The following RIGI variants were observed in gnomAD, a reference collection of about 807,000 sequenced individuals.
RIGI encodes RNA sensor RIG-I.
chr9:32,519,657 G>A, the RIGI span, among the ~76,000 whole-genome samples: 1 of 152,110 alleles, frequency 6.6e-6, no homozygotes, highest in South Asian at 2.1e-4. Context: ...AGGCAAAACT[G>A]CTATATGGGT....
the RIGI span, among the ~76,000 whole-genome samples, chr9:32,467,553 G>A: frequency 1.3e-5 from 2 of 152,298 alleles, no homozygotes; most frequent in African/African-American, 4.8e-5. Flanking sequence ...TGCCAGGCAA[G>A]TGAGCAGCAT....
At chr9:32,459,399 C>G in the RIGI span, 1 of 1,613,534 alleles carries the variant, frequency 6.2e-7, no homozygotes, top group Non-Finnish European at 8.5e-7. Flanking sequence ...AGCTGTGTAA[C>G]ATGCCAAGGC....
the RIGI span, among the ~76,000 whole-genome samples, chr9:32,508,258 T>TTTTTTTTTTTA: frequency 5.7e-3 from 785 of 137,952 alleles, 33 homozygotes; most frequent in African/African-American, 0.022. Flanking sequence ...TTTTTTTTTT[T>TTTTTTTTTTTA]ACTATATGAA....
At chr9:32,484,476 A>C in the RIGI span, among the ~76,000 whole-genome samples, 2 of 152,238 alleles carry the variant, frequency 1.3e-5, no homozygotes, top group South Asian at 2.1e-4. Context: ...TGGTACCAGG[A>C]CCACCCACTG....
At chr9:32,472,251 A>T in the RIGI span, among the ~76,000 whole-genome samples, 24 of 152,312 alleles carry the variant, frequency 1.6e-4, no homozygotes, top group South Asian at 5.0e-3. Flanking sequence ...AGACAATCTT[A>T]ATCTATTGGT....
chr9:32,502,456 A>G, the RIGI span, among the ~76,000 whole-genome samples: 2 of 152,238 alleles, frequency 1.3e-5, no homozygotes, highest in Admixed American at 1.3e-4. Flanking sequence ...GAGCTGCACC[A>G]TCTTACATTC....
the RIGI span, chr9:32,467,704 C>T: frequency 4.1e-6 from 6 of 1,472,028 alleles, no homozygotes; most frequent in East Asian, 1.2e-4. Context: ...ATGACACATA[C>T]ACTTATAAAT....
chr9:32,474,261 T>G, the RIGI span, among the ~76,000 whole-genome samples: 1 of 143,936 alleles, frequency 6.9e-6, no homozygotes. Context: ...ATCAAAAAAT[T>G]AATACCTAGG....
the RIGI span, among the ~76,000 whole-genome samples, chr9:32,471,166 G>A: frequency 3.3e-5 from 5 of 152,250 alleles, no homozygotes; most frequent in African/African-American, 1.2e-4. Flanking sequence ...GCTGAGGCAT[G>A]AGAATCACTT....
the RIGI span, among the ~76,000 whole-genome samples, chr9:32,464,846 T>TGTAA: frequency 6.6e-6 from 1 of 152,220 alleles, no homozygotes; most frequent in African/African-American, 2.4e-5. Flanking sequence ...CCTATCTATC[T>TGTAA]GTAAGTGTTA....
the RIGI span, among the ~76,000 whole-genome samples, chr9:32,487,053 G>A: frequency 6.6e-6 from 1 of 152,152 alleles, no homozygotes; most frequent in African/African-American, 2.4e-5. Flanking sequence ...CTTTGGAGGA[G>A]TGACATCATG....
chr9:32,492,294 G>T, the RIGI span: 1 of 1,332,500 alleles, frequency 7.5e-7, no homozygotes, highest in Non-Finnish European at 1.0e-6. Flanking sequence ...ATGTAGCTCT[G>T]GCTATCTGAG....
the RIGI span, chr9:32,491,206 T>C: frequency 5.6e-6 from 8 of 1,427,480 alleles, no homozygotes; most frequent in Middle Eastern, 3.6e-4. Flanking sequence ...TACAAAACTT[T>C]TCACAAGGCT....
At chr9:32,525,477 G>C in the RIGI span, among the ~76,000 whole-genome samples, 18 of 152,240 alleles carry the variant, frequency 1.2e-4, no homozygotes, top group South Asian at 1.7e-3. Flanking sequence ...TTACAAAATG[G>C]TCATTACCCA....
chr9:32,457,417 T>G, the RIGI span: 7 of 1,611,264 alleles, frequency 4.3e-6, no homozygotes, highest in Middle Eastern at 1.6e-4. Flanking sequence ...GTAATGGCAT[T>G]CCTACAGATG....
At chr9:32,496,504 C>G in the RIGI span, among the ~76,000 whole-genome samples, 1 of 152,182 alleles carries the variant, frequency 6.6e-6, no homozygotes, top group East Asian at 1.9e-4. Context: ...TTGAGCTCAT[C>G]ATTTCTTTTG....
the RIGI span, among the ~76,000 whole-genome samples, chr9:32,481,719 G>A: frequency 3.9e-5 from 6 of 152,172 alleles, no homozygotes; most frequent in East Asian, 7.8e-4. Flanking sequence ...CTAAGTAGCT[G>A]AGACTACAGG....
chr9:32,488,321 A>G, the RIGI span: 1 of 1,104,576 alleles, frequency 9.1e-7, no homozygotes, highest in African/African-American at 1.6e-5. Flanking sequence ...AAAGAAGAAT[A>G]GCTGTAGGCA....
At chr9:32,512,640 T>C in the RIGI span, among the ~76,000 whole-genome samples, 2 of 152,184 alleles carry the variant, frequency 1.3e-5, no homozygotes, top group Admixed American at 6.5e-5. Context: ...GTTGGAAGCA[T>C]TTCCTTTGAA....
Sources: allele counts gnomAD v4.1 joint callset (sites outside exome capture counted in the v4.1 genomes callset), GRCh38; gene constraint gnomAD v4.1.1; transcripts MANE v1.5; gene names NCBI Gene and HGNC (gene_info 2026-07-23, HGNC 2026-07-21).